The following EML1 variants were observed in gnomAD, a reference collection of about 807,000 sequenced individuals.
The protein encoded by EML1 is EMAP like 1, also known as echinoderm microtubule-associated protein-like 1.
Under a neutral mutation model 110.4 loss-of-function variants are expected in EML1, and 27 were observed. The ratio of observed to expected loss-of-function variants is 0.24; its 90% CI spans 0.18 to 0.34. The LOEUF is 0.34. EML1 is among the 10% of genes least tolerant of loss of function. The pLI, the probability that EML1 is intolerant of heterozygous loss-of-function variation, is 1.00. For missense variants in EML1, 741 were observed against 1,030.9 expected, an observed-to-expected ratio of 0.72 and a Z score of 3.85; for synonymous variants, 344 against 385.8, an observed-to-expected ratio of 0.89 and a Z score of 1.27.
chr14:99,809,567 C>T (rs1484452648), intron 1 of EML1: 1 of 447,258 alleles, frequency 2.2e-6, no homozygotes, highest in Non-Finnish European at 4.5e-6. Flanking sequence ...TTTCTGGGTC[C>T]ATCCCAGCCC....
At chr14:99,874,001 T>C (rs894377231) in intron 3 of EML1, among the ~76,000 whole-genome samples, 2 of 152,240 alleles carry the variant, frequency 1.3e-5, no homozygotes, top group Non-Finnish European at 2.9e-5. Context: ...TGGTCACACA[T>C]AAGAGCTGTC....
intron 1 of EML1, among the ~76,000 whole-genome samples, chr14:99,777,029 T>C (rs942226088): frequency 6.6e-6 from 1 of 152,170 alleles, no homozygotes; most frequent in Non-Finnish European, 1.5e-5. Flanking sequence ...GTTTTTCTTA[T>C]TAAAAGGAAA....
At chr14:99,774,060 G>T (rs1423092196) in intron 1 of EML1, 1 of 152,556 alleles carries the variant, frequency 6.6e-6, no homozygotes, top group Non-Finnish European at 1.5e-5. Context: ...CTTCTGAGGG[G>T]CTGGGGTACT....
intron 1 of EML1, among the ~76,000 whole-genome samples, chr14:99,841,684 C>T (rs1232313525): frequency 1.3e-5 from 2 of 152,198 alleles, no homozygotes; most frequent in African/African-American, 4.8e-5. Context: ...GAGTGGCTTT[C>T]AGAGTGGTTG....
chr14:99,782,367 CAG>C (rs2057549549), intron 1 of EML1, among the ~76,000 whole-genome samples: 1 of 152,220 alleles, frequency 6.6e-6, no homozygotes, highest in Non-Finnish European at 1.5e-5. Context: ...AGGCTTGCAG[CAG>C]AGACTGGAGC....
upstream of EML1, among the ~76,000 whole-genome samples, chr14:99,772,330 G>T (rs1243833347): frequency 6.6e-6 from 1 of 152,198 alleles, no homozygotes; most frequent in African/African-American, 2.4e-5. Flanking sequence ...GCTAAATTTG[G>T]GGTTCTCCTT....
intron 17 of EML1, among the ~76,000 whole-genome samples, chr14:99,925,647 T>G (rs1480908913): frequency 1.3e-5 from 2 of 152,236 alleles, no homozygotes; most frequent in Non-Finnish European, 2.9e-5. Flanking sequence ...AGTGGCTCTG[T>G]GGGCAGGTTG....
At chr14:99,741,384 A>G (rs569119559) in intron 1 of EML1, among the ~76,000 whole-genome samples, 2 of 151,920 alleles carry the variant, frequency 1.3e-5, no homozygotes, top group South Asian at 2.1e-4. Context: ...CCCCGTCTTT[A>G]TCACCTCCCC....
rs866454419 is a variant in EML1, at chr14:99,936,126, G to A, written c.2007G>A (p.Ser669=). ...AGTACACGCGAGTGGGCAAGTGCTC[G>A]GTAAGCGCTGACAGTGGACCTGTCG... ...GRKYTRVGKC[S]GHSSFITHLD... Residue 669 remains serine (S), a splice_region_variant and synonymous_variant, in exon 18 of 22, where the codon TCG becomes TCA. Coordinates refer to ENST00000262233, the MANE Select transcript of EML1 (RefSeq NM_004434.3). This position sits in a 1 kb window ranked among gnomAD's most constrained non-coding sequence, Gnocchi z 5.5. 5 of 1,614,002 alleles carry A rather than the reference G, an allele frequency of 3.1e-6. No homozygotes were observed. Among genetic ancestry groups the A allele is most frequent in the African/African-American group, 1.3e-5 (1 of 74,916 alleles).
At chr14:99,927,050 C>A (rs992677641) in intron 17 of EML1, among the ~76,000 whole-genome samples, 2 of 152,142 alleles carry the variant, frequency 1.3e-5, no homozygotes, top group African/African-American at 4.8e-5. Flanking sequence ...ACAGACCTGC[C>A]CTCTTATTTT....
At chr14:99,927,781 GTGGTGGTGGTAT>G (rs1262730878) in intron 17 of EML1, among the ~76,000 whole-genome samples, 4 of 96,552 alleles carry the variant, frequency 4.1e-5, no homozygotes, top group Non-Finnish European at 6.4e-5. Flanking sequence ...GGTGGTGGTA[GTGGTGGTGGTAT>G]TGGTGGTGGG....
chr14:99,911,407 TC>T lies in EML1; in HGVS notation c.1340-14del. The T allele has an allele frequency of 6.4e-7, 1 of 1,566,378 alleles. No individual in the cohort carries two copies. Among genetic ancestry groups the T allele is most frequent in the Non-Finnish European group, 8.6e-7 (1 of 1,164,426 alleles). ...TTTGACAATGTGCTAATGATGGTTT[TC>T]TTGGTGTGTTTAGGTACAAATCGAA... is the stretch of plus-strand genomic sequence containing the variant. On this transcript the variant is annotated splice_polypyrimidine_tract_variant and intron_variant, in intron 12 of 21. Transcript: ENST00000262233.
intron 2 of EML1, among the ~76,000 whole-genome samples, chr14:99,852,044 A>G (rs898116009): frequency 3.9e-5 from 6 of 152,208 alleles, no homozygotes; most frequent in Admixed American, 2.0e-4. Flanking sequence ...GGAATGAGAT[A>G]TTAAAAAGCA....
chr14:99,902,950 C>G (rs1810887922), intron 9 of EML1, among the ~76,000 whole-genome samples: 1 of 152,072 alleles, frequency 6.6e-6, no homozygotes, highest in East Asian at 1.9e-4. Flanking sequence ...GCATGCCATT[C>G]CTGTGAAAAA....
chr14:99,844,460 C>T (rs1322573796), intron 1 of EML1, among the ~76,000 whole-genome samples: 4 of 128,586 alleles, frequency 3.1e-5, no homozygotes, highest in Non-Finnish European at 6.5e-5. Flanking sequence ...GCTTGGGCAA[C>T]AGAGTGAGAC....
At chr14:99,761,209 A>ATTGGAACTCAGGC (rs2057310596) in intron 1 of EML1, among the ~76,000 whole-genome samples, 1 of 152,100 alleles carries the variant, frequency 6.6e-6, no homozygotes, top group East Asian at 1.9e-4. Context: ...CAGAGTCAGG[A>ATTGGAACTCAGGC]TTGGAACTCA....
upstream of EML1, among the ~76,000 whole-genome samples, chr14:99,770,931 C>T (rs1314014492): frequency 6.6e-6 from 1 of 151,614 alleles, no homozygotes; most frequent in African/African-American, 2.4e-5. Flanking sequence ...ACTACAGGCG[C>T]CCGCCACTAC....
chr14:99,883,224 C>G (rs1337053545), intron 4 of EML1: 3 of 152,110 alleles, frequency 2.0e-5, no homozygotes, highest in African/African-American at 7.2e-5. Flanking sequence ...ATTTATTATA[C>G]AAGTAACTTG....
rs567747811 is a variant in EML1 at position 99,850,952 on chromosome 14, A to G, written c.167A>G (p.Lys56Arg). The change falls in exon 2 of 22, where the codon AAA (lysine) becomes AGA (arginine). Residue 56 changes from lysine to arginine, a missense_variant. Physicochemically the swap from Lys to Arg is conservative, Grantham distance 26 (BLOSUM62 2). Coordinates refer to ENST00000262233, the MANE Select transcript of EML1 (RefSeq NM_004434.3). ...CAAGAAGACGACATCCAGCTGCTCA[A>G]ATCAGCTCTAGCTGATGTGGTTCGG... ...QMQEDDIQLLKSALADVVRRL... is the reference protein window; with the variant it reads ...QMQEDDIQLLRSALADVVRRL... The G allele has an allele frequency of 4.3e-6, 7 of 1,614,212 alleles. No individual in the cohort carries two copies. In the South Asian group the frequency reaches 7.7e-5, roughly 18 times the overall value.
Sources: gnomAD v4.1 joint callset for allele counts (sites outside exome capture counted in the v4.1 genomes callset) on GRCh38, gnomAD v4.1.1 for gene constraint, Gnocchi (gnomAD v3.1) non-coding constraint, MANE v1.5 for transcripts, NCBI Gene and HGNC (gene_info 2026-07-23, HGNC 2026-07-21) for gene names.